SPTA1: variants seen among roughly 807,000 people sequenced by gnomAD.
SPTA1 encodes spectrin alpha chain, erythrocytic 1.
In SPTA1, 177 loss-of-function variants were observed where a neutral mutation model predicts 324.7. The ratio of observed to expected loss-of-function variants is 0.55; its 90% CI spans 0.48 to 0.62. SPTA1 has a LOEUF of 0.62. Among genes scored for constraint, SPTA1 ranks in the 20% least tolerant of loss-of-function variants. SPTA1 has a pLI of 0.00. For synonymous variants in SPTA1, 1,195 were observed against 1,041.3 expected (o/e 1.15, Z -2.84); for missense variants, 3,162 against 2,883.6 (o/e 1.10, Z -2.21).
chr1:158,643,924 G>A (rs1651802415), intron 30 of SPTA1, among the ~76,000 whole-genome samples: 1 of 151,996 alleles, frequency 6.6e-6, no homozygotes, highest in South Asian at 2.1e-4. Context: ...ATCACTTGAG[G>A]TCAGGAGTTC....
rs575567251 is a variant in SPTA1, at chr1:158,651,399, G to A, written c.3445C>T (p.Leu1149Phe). 1.2e-5 allele frequency: 19 copies of A among 1,613,910 alleles called. No homozygotes were observed. The South Asian group carries it at 2.0e-4, about 17-fold the overall frequency. ...KVADDLLFEG[L>F]LTPEGAQIRQ... ...ATTTGAGCTCCTTCTGGTGTTAGAA[G>A]TCCTTCAAATAGTAGATCATCAGCT... Residue 1149 changes from leucine (L) to phenylalanine (F), a missense_variant, in exon 24 of 52, where the codon CTT (leucine) becomes TTT (phenylalanine). By Grantham distance (22) the Leu-to-Phe change is conservative (BLOSUM62 0). Transcript: ENST00000643759.
At chr1:158,632,449 T>C (rs1283593536) in intron 39 of SPTA1, among the ~76,000 whole-genome samples, 1 of 151,390 alleles carries the variant, frequency 6.6e-6, no homozygotes, top group Non-Finnish European at 1.5e-5. Flanking sequence ...TCAGTGTTTT[T>C]GTCACAATAA....
At chr1:158,630,171 A>G (rs1650577300) in intron 39 of SPTA1, among the ~76,000 whole-genome samples, 1 of 152,110 alleles carries the variant, frequency 6.6e-6, no homozygotes, top group African/African-American at 2.4e-5. Flanking sequence ...ATGGAATCAG[A>G]AAAGACCACA....
chr1:158,619,245 G>A lies in SPTA1; in HGVS notation c.6507C>T (p.Phe2169=), dbSNP rs757320925. The change falls in exon 45 of 52, where the codon TTC becomes TTT. Residue 2169 remains phenylalanine, a synonymous_variant. Coordinates refer to ENST00000643759, the MANE Select transcript of SPTA1 (RefSeq NM_003126.4). The part of the protein sequence containing the change: ...CQEFEQNAST[F]LQWILETRAY... ...ACCTGGTTTCCAGGATCCATTGAAG[G>A]AAGGTACTGGCATTCTGTTCAAACT... The A allele has an allele frequency of 6.2e-7, 1 of 1,614,086 alleles. No individual in the cohort carries two copies. The highest frequency in any genetic ancestry group is 8.5e-7 in the Non-Finnish European group (1 of 1,179,956).
At position 158,683,388 on chromosome 1, in the gene SPTA1, C is replaced by A. The variant is rs201771255; in HGVS notation, c.373G>T (p.Ala125Ser). ...REERFTMGHS[A>S]HEETKAHIEE... is the part of the protein sequence containing the mutation. ...ACATATACCTTCGTTTCTTCGTGGG[C>A]AGAATGACCCATGGTAAATCGTTCT... Residue 125 changes from alanine to serine, a missense_variant, in exon 3 of 52, where the codon GCC becomes TCC. Coordinates refer to ENST00000643759, the MANE Select transcript of SPTA1 (RefSeq NM_003126.4). 6.2e-7 allele frequency: 1 copy of A among 1,613,308 alleles called. No individual in the cohort carries two copies. The highest frequency in any genetic ancestry group is 1.3e-5 in the African/African-American group (1 of 74,972).
At chr1:158,661,140 C>T (rs1342587620) in intron 18 of SPTA1, 147 bp downstream of exon 18, 3 of 1,202,274 alleles carry the variant, frequency 2.5e-6, no homozygotes, top group Non-Finnish European at 3.7e-6. Flanking sequence ...AACCATATGC[C>T]CATTTGTCAG....
At chr1:158,630,819 A>C (rs139457868) in intron 39 of SPTA1, among the ~76,000 whole-genome samples, 15 of 152,006 alleles carry the variant, frequency 9.9e-5, no homozygotes, top group African/African-American at 3.4e-4. Flanking sequence ...ATAAAAATAA[A>C]AGTAAAAAAC....
chr1:158,641,090 A>G (rs1651528314), intron 33 of SPTA1, among the ~76,000 whole-genome samples: 1 of 152,244 alleles, frequency 6.6e-6, no homozygotes, highest in African/African-American at 2.4e-5. Context: ...TGGTGCTGGG[A>G]AAACTGGCTA....
At chr1:158,680,471 C>A (rs529063696) in intron 5 of SPTA1, 112 bp downstream of exon 5, 11 of 1,484,672 alleles carry the variant, frequency 7.4e-6, no homozygotes, top group Non-Finnish European at 1.0e-5. Context: ...ACATGCCAAC[C>A]TCTGTTTTCT....
rs1187895107 is a variant in SPTA1 at position 158,647,724 on chromosome 1, G to C, written c.3715-4C>G. On this transcript the variant is annotated splice_polypyrimidine_tract_variant and splice_region_variant and intron_variant, in intron 26 of 51. Coordinates refer to ENST00000643759, the MANE Select transcript of SPTA1 (RefSeq NM_003126.4). ...CTGTCTCCCCCAGTATGGTCACCTG[G>C]GGAGGTACAATAGCTCTGATAATCA... 1 of 1,613,710 alleles carries C rather than the reference G, an allele frequency of 6.2e-7. No homozygotes were observed. The highest frequency in any genetic ancestry group is 1.7e-5 in the Admixed American group (1 of 59,954).
intron 7 of SPTA1, 51 bp from the exon 8 acceptor site, chr1:158,676,346 C>G: frequency 1.9e-6 from 3 of 1,601,688 alleles, no homozygotes; most frequent in Non-Finnish European, 2.6e-6. Flanking sequence ...TCTGACTCCC[C>G]CTGGCAAAGC....
intron 16 of SPTA1, among the ~76,000 whole-genome samples, chr1:158,664,812 G>A (rs1653481910): frequency 6.6e-6 from 1 of 152,156 alleles, no homozygotes; most frequent in Non-Finnish European, 1.5e-5. Flanking sequence ...CATCACTATA[G>A]ATCCACTGTA....
chr1:158,661,137 T>A, intron 18 of SPTA1, 150 bp downstream of exon 18: 2 of 1,187,248 alleles, frequency 1.7e-6, no homozygotes, highest in Non-Finnish European at 2.5e-6. Flanking sequence ...CAAAACCATA[T>A]GCCCATTTGT....
At chr1:158,633,995 CA>C (rs879863209) in intron 39 of SPTA1, among the ~76,000 whole-genome samples, 1 of 152,122 alleles carries the variant, frequency 6.6e-6, no homozygotes, top group Non-Finnish European at 1.5e-5. Flanking sequence ...TAATCACTCT[CA>C]AAAGCCGTCA....
intron 17 of SPTA1, 122 bp from the exon 18 acceptor site, chr1:158,661,531 G>C: frequency 4.6e-6 from 6 of 1,300,864 alleles, no homozygotes; most frequent in Non-Finnish European, 6.5e-6. Context: ...CATTGAGTAA[G>C]ATTCTTTAAA....
rs1166350335 is a variant in SPTA1, at chr1:158,643,547, C to T, written c.4339-122G>A. On this transcript the variant is annotated intron_variant, in intron 30 of 51. Transcript: ENST00000643759. ...TGGATTCAGAAGATATACTCAGGGTCAAATAATATATGCCTTACAGGGAGG... is the reference window on the plus strand; with the variant it reads ...TGGATTCAGAAGATATACTCAGGGTTAAATAATATATGCCTTACAGGGAGG... 7 of 935,258 alleles carry T rather than the reference C, an allele frequency of 7.5e-6. No individual in the cohort carries two copies. The African/African-American group carries it at 1.1e-4, about 15-fold the overall frequency. 57.9% of individuals were successfully genotyped at this position (935,258 alleles called of 1,614,324 possible). A position where few individuals can be genotyped will look rare whatever the true frequency, so the allele number is the denominator to read the frequency against.
Position 158,678,307 on chromosome 1 carries a change from T to C in SPTA1, c.812+94A>G. 3.9e-6 allele frequency: 6 copies of C among 1,545,546 alleles called. No individual in the cohort carries two copies. The South Asian group carries it at 5.6e-5, about 14-fold the overall frequency. On this transcript the variant is annotated intron_variant, in intron 6 of 51. Coordinates refer to ENST00000643759, the MANE Select transcript of SPTA1 (RefSeq NM_003126.4). Reference sequence around the variant, plus strand: ...CACTTTTGTTTGAAGTGTTGACCATTAATTGCTAACAGAAGTAGAAAGAGC... The same window carrying C: ...CACTTTTGTTTGAAGTGTTGACCATCAATTGCTAACAGAAGTAGAAAGAGC...
chr1:158,669,695 G>A lies in SPTA1; in HGVS notation c.1677+14C>T. ...GTGTGTAGGCACACAGAAGCTCTAGGCCCTTGGACATACCCCGTCACGGAT... is the reference window on the plus strand; with the variant it reads ...GTGTGTAGGCACACAGAAGCTCTAGACCCTTGGACATACCCCGTCACGGAT... On this transcript the variant is annotated intron_variant, in intron 13 of 51. Coordinates refer to ENST00000643759, the MANE Select transcript of SPTA1 (RefSeq NM_003126.4). 1 of 1,614,072 alleles carries A rather than the reference G, an allele frequency of 6.2e-7. No individual in the cohort carries two copies. Among genetic ancestry groups the A allele is most frequent in the East Asian group, 2.2e-5 (1 of 44,872 alleles).
chr1:158,664,686 G>A (rs1447109085), intron 16 of SPTA1, among the ~76,000 whole-genome samples: 1 of 152,122 alleles, frequency 6.6e-6, no homozygotes, highest in Non-Finnish European at 1.5e-5. Flanking sequence ...CCAAAAATCA[G>A]ATAACTTATA....
Sources: allele counts gnomAD v4.1 joint callset (sites outside exome capture counted in the v4.1 genomes callset), GRCh38; gene constraint gnomAD v4.1.1; transcripts MANE v1.5; gene names NCBI Gene and HGNC (gene_info 2026-07-23, HGNC 2026-07-21).